The following GAS2 variants were observed in gnomAD, a reference collection of about 807,000 sequenced individuals.
The protein encoded by GAS2 is growth arrest-specific protein 2.
Under a neutral mutation model 37.5 loss-of-function variants are expected in GAS2, and 20 were observed. The ratio of observed to expected loss-of-function variants is 0.53; its 90% CI spans 0.37 to 0.77. The LOEUF (loss-of-function observed/expected upper bound fraction) is 0.77, where lower values mean the gene tolerates loss of function less well. Ranked by LOEUF, GAS2 falls within the 30% of genes least tolerant of loss-of-function variation. The probability of loss-of-function intolerance (pLI) is 0.00; values close to 1 mark genes in which losing one functional copy is unlikely to be tolerated. For synonymous variants in GAS2, 144 were observed against 132.2 expected, an observed-to-expected ratio of 1.09 and a Z score of -0.61; for missense variants, 336 against 373.4, an observed-to-expected ratio of 0.90 and a Z score of 0.82.
chr11:22,752,717 GAGAA>G (rs1853812015), intron 6 of GAS2, among the ~76,000 whole-genome samples: 1 of 151,984 alleles, frequency 6.6e-6, no homozygotes, highest in East Asian at 1.9e-4. Flanking sequence ...AGAAAAAAGA[GAGAA>G]AGCAAAAGAA....
chr11:22,732,189 A>G (rs1195227773), intron 4 of GAS2, among the ~76,000 whole-genome samples: 1 of 151,814 alleles, frequency 6.6e-6, no homozygotes, highest in East Asian at 1.9e-4. Flanking sequence ...GAAAAAATAT[A>G]TACCAACTTA....
chr11:22,644,237 T>C (rs1012402282), intron 1 of GAS2, among the ~76,000 whole-genome samples: 3 of 152,146 alleles, frequency 2.0e-5, no homozygotes, highest in African/African-American at 4.8e-5. Context: ...AGTTCTTAGA[T>C]TGGGTTAGTC....
chr11:22,787,301 A>C (rs775862426), intron 7 of GAS2, among the ~76,000 whole-genome samples: 4 of 152,178 alleles, frequency 2.6e-5, no homozygotes, highest in Non-Finnish European at 4.4e-5. Context: ...AAAGGGAGAA[A>C]GCAAATATTT....
At chr11:22,761,448 G>A (rs1189269480) in intron 7 of GAS2, among the ~76,000 whole-genome samples, 1 of 152,146 alleles carries the variant, frequency 6.6e-6, no homozygotes, top group Non-Finnish European at 1.5e-5. Flanking sequence ...CACATGTTGT[G>A]AGGTAGATAA....
intron 1 of GAS2, among the ~76,000 whole-genome samples, chr11:22,653,480 C>T: frequency 6.6e-6 from 1 of 152,098 alleles, no homozygotes; most frequent in East Asian, 1.9e-4. Context: ...AAAAAGGTAT[C>T]AAGAAACTTT....
intron 7 of GAS2, among the ~76,000 whole-genome samples, chr11:22,786,419 A>T (rs1855821262): frequency 6.6e-6 from 1 of 152,154 alleles, no homozygotes; most frequent in Non-Finnish European, 1.5e-5. Context: ...TATGTCCATT[A>T]ATCTACTTAT....
chr11:22,676,380 G>T (rs1565078855), intron 2 of GAS2, among the ~76,000 whole-genome samples: 3 of 152,002 alleles, frequency 2.0e-5, no homozygotes. Context: ...TATTAAATTT[G>T]AGCTATCAGT....
chr11:22,781,766 T>C (rs1855567083), intron 7 of GAS2, among the ~76,000 whole-genome samples: 1 of 152,192 alleles, frequency 6.6e-6, no homozygotes, highest in Admixed American at 6.5e-5. Flanking sequence ...TGGAATTGTT[T>C]TTTATGATAC....
At chr11:22,707,330 C>A (rs1162347244) in intron 3 of GAS2, among the ~76,000 whole-genome samples, 3 of 152,164 alleles carry the variant, frequency 2.0e-5, no homozygotes, top group Non-Finnish European at 4.4e-5. Context: ...TCATGCCACA[C>A]CTTTCATTTC....
chr11:22,648,010 C>G (rs1219446989), intron 1 of GAS2, among the ~76,000 whole-genome samples: 4 of 152,160 alleles, frequency 2.6e-5, no homozygotes, highest in African/African-American at 9.7e-5. Context: ...TACCTATGTC[C>G]TGAATGGTAA....
chr11:22,746,762 C>CT (rs1853427320), intron 5 of GAS2, among the ~76,000 whole-genome samples: 1 of 152,144 alleles, frequency 6.6e-6, no homozygotes, highest in Admixed American at 6.5e-5. Context: ...TGATCACTAC[C>CT]TGGGTAATGG....
At chr11:22,743,978 A>G (rs1853238506) in intron 5 of GAS2, among the ~76,000 whole-genome samples, 1 of 152,116 alleles carries the variant, frequency 6.6e-6, no homozygotes, top group South Asian at 2.1e-4. Context: ...GATCCCGAAG[A>G]AATACAAAAG....
intron 3 of GAS2, among the ~76,000 whole-genome samples, chr11:22,717,868 A>G (rs1851755904): frequency 6.6e-6 from 1 of 152,232 alleles, no homozygotes; most frequent in African/African-American, 2.4e-5. Context: ...AACATCTGAA[A>G]AATGCTCAAC....
chr11:22,735,224 C>CTTTTTT (rs397750049), intron 4 of GAS2, among the ~76,000 whole-genome samples: 96 of 108,968 alleles, frequency 8.8e-4, no homozygotes, highest in Middle Eastern at 7.2e-3. Context: ...ACCAATCATT[C>CTTTTTT]TTTTTTTTTT....
intron 1 of GAS2, among the ~76,000 whole-genome samples, chr11:22,648,899 AC>A (rs1420899737): frequency 1.3e-5 from 2 of 151,856 alleles, no homozygotes; most frequent in Non-Finnish European, 2.9e-5. Context: ...CTAATTGAAT[AC>A]CCTTTATTTC....
At chr11:22,689,315 C>G (rs1458622117) in intron 3 of GAS2, among the ~76,000 whole-genome samples, 6 of 152,280 alleles carry the variant, frequency 3.9e-5, no homozygotes. Flanking sequence ...TATGACCTCA[C>G]TTTCACTGCT....
intron 3 of GAS2, among the ~76,000 whole-genome samples, chr11:22,715,105 G>A (rs1232224697): frequency 6.6e-6 from 1 of 152,072 alleles, no homozygotes; most frequent in Non-Finnish European, 1.5e-5. Context: ...AAACAAAATT[G>A]ATAGACTGTT....
intron 7 of GAS2, among the ~76,000 whole-genome samples, chr11:22,799,520 A>G (rs1014638975): frequency 6.6e-6 from 1 of 151,912 alleles, no homozygotes; most frequent in Non-Finnish European, 1.5e-5. Flanking sequence ...TTGATTCTCA[A>G]TACAATCTCC....
chr11:22,646,394 T>A (rs1458521055), intron 1 of GAS2, among the ~76,000 whole-genome samples: 2 of 152,214 alleles, frequency 1.3e-5, no homozygotes, highest in African/African-American at 4.8e-5. Flanking sequence ...GACTGCCAAA[T>A]TTTCCCTTTT....
Sources: allele counts gnomAD v4.1 joint callset (sites outside exome capture counted in the v4.1 genomes callset), GRCh38; gene constraint gnomAD v4.1.1; transcripts MANE v1.5; gene names NCBI Gene and HGNC (gene_info 2026-07-23, HGNC 2026-07-21).